Variants in GNAQ observed in about 807,000 individuals in gnomAD.
The protein encoded by GNAQ is G protein subunit alpha q, also known as guanine nucleotide-binding protein G(q) subunit alpha.
Under a neutral mutation model 43.9 loss-of-function variants are expected in GNAQ, and 8 were observed. The ratio of observed to expected loss-of-function variants is 0.18; its 90% CI spans 0.11 to 0.33. GNAQ has a LOEUF of 0.33. Ranked by LOEUF, GNAQ falls within the 10% of genes least tolerant of loss-of-function variation. GNAQ has a pLI of 1.00. For missense variants in GNAQ, 158 were observed against 450.8 expected, an observed-to-expected ratio of 0.35 and a Z score of 5.88; for synonymous variants, 155 against 170.7, an observed-to-expected ratio of 0.91 and a Z score of 0.71.
At chr9:77,837,013 T>C (rs1827398817) in intron 2 of GNAQ, among the ~76,000 whole-genome samples, 1 of 152,194 alleles carries the variant, frequency 6.6e-6, no homozygotes, top group African/African-American at 2.4e-5. Flanking sequence ...TCTATAATCT[T>C]GTAGGAGGAA....
At chr9:77,759,850 T>C (rs1825962417) in intron 5 of GNAQ, among the ~76,000 whole-genome samples, 1 of 152,178 alleles carries the variant, frequency 6.6e-6, no homozygotes, top group East Asian at 1.9e-4. Context: ...CTACAGTATA[T>C]AATGTTCTTA....
At position 77,934,017 on chromosome 9, in the gene GNAQ, A is replaced by G. The variant is rs74778052; in HGVS notation, c.137-11672T>C. ...GTGGCCCTCCTCAAAAGAGAACAACAAATTACATTTATAACAGAGGAAAAG... is the reference window on the plus strand; with the variant it reads ...GTGGCCCTCCTCAAAAGAGAACAACGAATTACATTTATAACAGAGGAAAAG... On this transcript the variant is annotated intron_variant, in intron 1 of 6. Coordinates refer to ENST00000286548, the MANE Select transcript of GNAQ (RefSeq NM_002072.5). Among the ~76,000 whole-genome samples, 1,060 of 152,320 alleles carry G rather than the reference A, an allele frequency of 7.0e-3. 19 individuals carry two copies. Among genetic ancestry groups the G allele is most frequent in the African/African-American group, 0.024 (984 of 41,566 alleles).
At chr9:78,025,530 A>T (rs971413722) in intron 1 of GNAQ, among the ~76,000 whole-genome samples, 9 of 152,204 alleles carry the variant, frequency 5.9e-5, no homozygotes, top group African/African-American at 1.9e-4. Flanking sequence ...AGGCATTACA[A>T]AAGTTTTCCT....
chr9:77,903,411 T>C (rs1187288328), intron 2 of GNAQ, among the ~76,000 whole-genome samples: 1 of 152,174 alleles, frequency 6.6e-6, no homozygotes, highest in Non-Finnish European at 1.5e-5. Flanking sequence ...TCCTTACTTA[T>C]GCAAGGGAGA....
intron 1 of GNAQ, among the ~76,000 whole-genome samples, chr9:78,012,264 G>GTCTCACCT (rs1164871844): frequency 3.1e-4 from 45 of 144,390 alleles, no homozygotes; most frequent in Non-Finnish European, 5.5e-4. Context: ...TTGAGACGGA[G>GTCTCACCT]TCTCACCTTG....
At chr9:77,840,582 T>A (rs1008060760) in intron 2 of GNAQ, among the ~76,000 whole-genome samples, 1 of 152,052 alleles carries the variant, frequency 6.6e-6, no homozygotes, top group African/African-American at 2.4e-5. Flanking sequence ...GGTGAACCGT[T>A]TGCCTCGGCC....
intron 2 of GNAQ, among the ~76,000 whole-genome samples, chr9:77,816,412 C>T (rs1428096502): frequency 1.3e-5 from 2 of 152,076 alleles, no homozygotes; most frequent in East Asian, 1.9e-4. Context: ...TGAGTACGCC[C>T]TATTCAATTT....
At chr9:77,797,482 A>AAAAGCTGGGAAAT in intron 4 of GNAQ, 38 bp downstream of exon 4, 8 of 1,558,908 alleles carry the variant, frequency 5.1e-6, no homozygotes, top group Non-Finnish European at 6.2e-6. Context: ...CTCAAGGCAT[A>AAAAGCTGGGAAAT]AAAGCTGGGA....
chr9:77,974,716 G>A (rs1024343506), intron 1 of GNAQ, among the ~76,000 whole-genome samples: 4 of 152,206 alleles, frequency 2.6e-5, no homozygotes, highest in Non-Finnish European at 2.9e-5. Context: ...AAGGCCAGCT[G>A]AGAAGACTCT....
chr9:77,839,009 C>G (rs886980117), intron 2 of GNAQ, among the ~76,000 whole-genome samples: 1 of 152,068 alleles, frequency 6.6e-6, no homozygotes, highest in Non-Finnish European at 1.5e-5. Flanking sequence ...TCATATGGTA[C>G]CCTCTTCACC....
At chr9:77,751,343 T>C (rs10869964) in intron 5 of GNAQ, among the ~76,000 whole-genome samples, 96,169 of 152,032 alleles carry the variant, frequency 0.63, 31,394 homozygotes, top group Non-Finnish European at 0.72. Context: ...CTAGAATGGG[T>C]TGGGTGGTTT....
intron 2 of GNAQ, among the ~76,000 whole-genome samples, chr9:77,868,596 G>A (rs1456139465): frequency 6.6e-6 from 1 of 152,162 alleles, no homozygotes; most frequent in Non-Finnish European, 1.5e-5. Flanking sequence ...AAGAGATCAA[G>A]ACCATCCTGG....
At chr9:77,884,419 C>G (rs1438264151) in intron 2 of GNAQ, among the ~76,000 whole-genome samples, 1 of 152,066 alleles carries the variant, frequency 6.6e-6, no homozygotes, top group African/African-American at 2.4e-5. Flanking sequence ...TATTAGGAAA[C>G]CAAAAGAAGG....
At chr9:77,831,349 GT>G (rs1196293832) in intron 2 of GNAQ, among the ~76,000 whole-genome samples, 1 of 152,154 alleles carries the variant, frequency 6.6e-6, no homozygotes, top group Non-Finnish European at 1.5e-5. Context: ...ACCATATGCA[GT>G]TTAAAAGGCA....
At chr9:77,832,507 G>T (rs976567238) in intron 2 of GNAQ, among the ~76,000 whole-genome samples, 3 of 152,150 alleles carry the variant, frequency 2.0e-5, no homozygotes, top group Admixed American at 2.0e-4. Context: ...ATCTGGGTGA[G>T]AAACCACAGC....
chr9:77,870,324 GTTTTTTTT>G (rs781464413), intron 2 of GNAQ, among the ~76,000 whole-genome samples: 4 of 111,112 alleles, frequency 3.6e-5, no homozygotes, highest in South Asian at 3.1e-4. Flanking sequence ...TTTGGTGCTA[GTTTTTTTT>G]TTTTTTTTTT....
At chr9:77,825,855 A>C (rs1827186744) in intron 2 of GNAQ, among the ~76,000 whole-genome samples, 1 of 152,212 alleles carries the variant, frequency 6.6e-6, no homozygotes, top group Non-Finnish European at 1.5e-5. Context: ...AGGACTTATG[A>C]TCAACCTATG....
intron 1 of GNAQ, among the ~76,000 whole-genome samples, chr9:78,026,093 A>C (rs903482428): frequency 9.2e-5 from 14 of 152,176 alleles, no homozygotes; most frequent in Non-Finnish European, 1.8e-4. Context: ...AGATTCTATC[A>C]AATTTATTTA....
chr9:77,937,103 G>A (rs1456068847), intron 1 of GNAQ, among the ~76,000 whole-genome samples: 3 of 152,000 alleles, frequency 2.0e-5, no homozygotes, highest in African/African-American at 2.4e-5. Flanking sequence ...TCTAAATAAC[G>A]GCTTTGTTGA....
Sources: allele counts gnomAD v4.1 joint callset (sites outside exome capture counted in the v4.1 genomes callset), GRCh38; gene constraint gnomAD v4.1.1; transcripts MANE v1.5; gene names NCBI Gene and HGNC (gene_info 2026-07-23, HGNC 2026-07-21).